Variants in GFM1 observed in about 807,000 individuals in gnomAD.
GFM1 encodes the protein elongation factor G, mitochondrial.
GFM1 carries 62 observed loss-of-function variants against 96.2 expected under a neutral mutation model. That is an observed-to-expected ratio of 0.64 (90% confidence interval 0.53 to 0.80). The LOEUF is 0.80. GFM1 is among the 30% of genes least tolerant of loss of function. The pLI is 0.00. For missense variants in GFM1, 852 were observed against 916.6 expected, an observed-to-expected ratio of 0.93 and a Z score of 0.91; for synonymous variants, 282 against 312.9, an observed-to-expected ratio of 0.90 and a Z score of 1.04.
chr3:158,681,746 C>G (rs1243605816), intron 13 of GFM1, among the ~76,000 whole-genome samples: 1 of 152,144 alleles, frequency 6.6e-6, no homozygotes, highest in Non-Finnish European at 1.5e-5. Context: ...AATTACTCGA[C>G]TTTTACTTTT....
rs779651895 is a variant in GFM1 at position 158,691,168 on chromosome 3, C to T, written c.2100C>T (p.Ser700=). The T allele has an allele frequency of 2.5e-6, 4 of 1,612,272 alleles. No homozygotes were observed. The African/African-American group carries it at 5.3e-5, about 22-fold the overall frequency. The change falls in exon 17 of 18, where the codon TCC becomes TCT. Residue 700 remains serine, a synonymous_variant. Transcript: ENST00000486715. ...DVPLNDMFGY[S]TELRSCTEGK... is the part of the protein sequence containing the mutation. ...CTCTAAATGATATGTTTGGTTATTC[C>T]ACTGAACTTAGGTCATGCACAGAGG...
chr3:158,673,114 C>T (rs1278227526), intron 13 of GFM1, among the ~76,000 whole-genome samples: 1 of 152,084 alleles, frequency 6.6e-6, no homozygotes, highest in Admixed American at 6.6e-5. Flanking sequence ...TGGACCAGTT[C>T]TGCCCAAATC....
At position 158,652,206 on chromosome 3, in the gene GFM1, T is replaced by C; in HGVS notation, c.800T>C (p.Met267Thr). The C allele has an allele frequency of 1.2e-6, 2 of 1,614,170 alleles. No homozygotes were observed. The highest frequency in any genetic ancestry group is 1.7e-6 in the Non-Finnish European group (2 of 1,180,000). The stretch of plus-strand genomic sequence containing the variant: ...AATTCAGATGAACAGCTTGGTGAGA[T>C]GTTTCTGGAAGAAAAAATCCCCTCG... ...VANSDEQLGE[M>T]FLEEKIPSIS... The change falls in exon 6 of 18, where the codon ATG (methionine) becomes ACG (threonine). Residue 267 changes from methionine to threonine, a missense_variant. Transcript: ENST00000486715.
intron 11 of GFM1, 65 bp downstream of exon 11, chr3:158,662,749 T>G: frequency 2.2e-6 from 2 of 908,794 alleles, no homozygotes; most frequent in Non-Finnish European, 3.7e-6. Context: ...CATCTATCTC[T>G]ACAATGCACT....
intron 3 of GFM1, 117 bp downstream of exon 3, chr3:158,646,414 T>A: frequency 9.1e-7 from 1 of 1,099,640 alleles, no homozygotes. Flanking sequence ...TAACACTGAA[T>A]TCCTATTAAA....
At position 158,691,322 on chromosome 3, in the gene GFM1, T is replaced by G. The variant is rs568743609; in HGVS notation, c.2125-14T>G. 1 of 1,613,854 alleles carries G rather than the reference T, an allele frequency of 6.2e-7. No homozygotes were observed. The highest frequency in any genetic ancestry group is 2.2e-5 in the East Asian group (1 of 44,830). On this transcript the variant is annotated splice_polypyrimidine_tract_variant and intron_variant, in intron 17 of 17. Coordinates refer to ENST00000486715, the MANE Select transcript of GFM1 (RefSeq NM_024996.7). ...AAACAAACAAAAAACCCTCTCTTTT[T>G]TTTAAATCCCTAGGGAAAGGGAGAA...
intron 13 of GFM1, among the ~76,000 whole-genome samples, chr3:158,678,751 T>C (rs1424207224): frequency 1.3e-5 from 2 of 152,228 alleles, no homozygotes; most frequent in Non-Finnish European, 2.9e-5. Context: ...TTTGAAAGGA[T>C]TGACTCCAGT....
At chr3:158,682,435 C>T in intron 14 of GFM1, 1 of 379,316 alleles carries the variant, frequency 2.6e-6, no homozygotes, top group Admixed American at 4.0e-5. Flanking sequence ...TGATTGTAAT[C>T]AATTTGTAGT....
chr3:158,691,511 G>T lies in GFM1; in HGVS notation c.*44G>T. ...GACTGACTCTAATTGAATCTGCGTG[G>T]TTTTGATACTTTGATGGATTCCAGT... is the stretch of plus-strand genomic sequence containing the variant. On this transcript the variant is annotated 3_prime_UTR_variant, in exon 18 of 18. Transcript: ENST00000486715. 1 of 1,607,246 alleles carries T rather than the reference G, an allele frequency of 6.2e-7. No individual in the cohort carries two copies. The highest frequency in any genetic ancestry group is 2.2e-5 in the East Asian group (1 of 44,724).
intron 11 of GFM1, among the ~76,000 whole-genome samples, chr3:158,663,901 C>G (rs1301319369): frequency 7.2e-5 from 11 of 152,110 alleles, no homozygotes; most frequent in Admixed American, 7.2e-4. Context: ...ATGAAGTCTC[C>G]ATGAGTCTCA....
At chr3:158,672,719 A>G in intron 13 of GFM1, 1 of 422,588 alleles carries the variant, frequency 2.4e-6, no homozygotes, top group Non-Finnish European at 4.4e-6. Context: ...TACTGCCTGC[A>G]GCGGGCTTCC....
chr3:158,649,818 C>G (rs933848370), intron 5 of GFM1: 1 of 569,098 alleles, frequency 1.8e-6, no homozygotes, highest in Non-Finnish European at 3.1e-6. Context: ...GGCTCTACCT[C>G]CAGAGATTCT....
At chr3:158,691,088 CAA>C in intron 16 of GFM1, 49 bp from the exon 17 acceptor site, 1 of 1,264,934 alleles carries the variant, frequency 7.9e-7, no homozygotes, top group Non-Finnish European at 1.2e-6. Context: ...GTATTTTTCT[CAA>C]ATATTTTCCA....
rs372855846 is a variant in GFM1 at position 158,664,799 on chromosome 3, A to G, written c.1381-538A>G. On this transcript the variant is annotated intron_variant, in intron 11 of 17. Coordinates refer to ENST00000486715, the MANE Select transcript of GFM1 (RefSeq NM_024996.7). ...AGGATTAGGGTATCTTTGGAGGGCC[A>G]TTAATCTGCTTACCACGCGGGATTA... 6.6e-5 allele frequency among the ~76,000 whole-genome samples: 10 copies of G among 152,332 alleles called. No homozygotes were observed. In the East Asian group the frequency reaches 1.7e-3, roughly 26 times the overall value.
chr3:158,670,073 A>G (rs1724133322), intron 13 of GFM1, among the ~76,000 whole-genome samples: 1 of 152,232 alleles, frequency 6.6e-6, no homozygotes, highest in Non-Finnish European at 1.5e-5. Context: ...TATGCTTTGT[A>G]AAGATGGCTG....
At position 158,652,234 on chromosome 3, in the gene GFM1, T is replaced by G. The variant is rs1722358376; in HGVS notation, c.828T>G (p.Ile276Met). The G allele has an allele frequency of 6.2e-7, 1 of 1,614,010 alleles. No homozygotes were observed. Among genetic ancestry groups the G allele is most frequent in the Admixed American group, 1.7e-5 (1 of 60,012 alleles). Residue 276 changes from isoleucine to methionine, a missense_variant, in exon 6 of 18, where the codon ATT becomes ATG. Transcript: ENST00000486715. ...TTCTGGAAGAAAAAATCCCCTCGAT[T>G]TCTGATTTAAAGGCAAGTGCTTTCA... Reference protein sequence around the residue: ...EMFLEEKIPSISDLKLAIRRA... With the variant: ...EMFLEEKIPSMSDLKLAIRRA...
intron 5 of GFM1, among the ~76,000 whole-genome samples, chr3:158,651,720 G>T (rs1294791954): frequency 6.6e-6 from 1 of 152,112 alleles, no homozygotes; most frequent in African/African-American, 2.4e-5. Flanking sequence ...GATAAACCAG[G>T]TTGCATTAAA....
intron 14 of GFM1, among the ~76,000 whole-genome samples, chr3:158,682,831 C>T (rs1576787907): frequency 6.6e-6 from 1 of 151,948 alleles, no homozygotes; most frequent in Non-Finnish European, 1.5e-5. Context: ...TTGAGACCAG[C>T]GTGGGCAACA....
At chr3:158,665,784 G>A (rs1347012947) in intron 12 of GFM1, among the ~76,000 whole-genome samples, 2 of 152,168 alleles carry the variant, frequency 1.3e-5, no homozygotes, top group Admixed American at 1.3e-4. Context: ...CCAAGCCTTA[G>A]GGAGACAACC....
Sources: gnomAD v4.1 joint callset for allele counts (sites outside exome capture counted in the v4.1 genomes callset) on GRCh38, gnomAD v4.1.1 for gene constraint, MANE v1.5 for transcripts, NCBI Gene and HGNC (gene_info 2026-07-23, HGNC 2026-07-21) for gene names.